SBNO2: variants seen among roughly 807,000 people sequenced by gnomAD.
SBNO2 encodes strawberry notch homolog 2.
SBNO2 carries 89 observed loss-of-function variants against 146.3 expected under a neutral mutation model. That is an observed-to-expected ratio of 0.61 (90% CI 0.51 to 0.73). The LOEUF is 0.73. Among genes scored for constraint, SBNO2 ranks in the 30% least tolerant of loss-of-function variants. The pLI, the probability that SBNO2 is intolerant of heterozygous loss-of-function variation, is 0.00. For synonymous variants in SBNO2, 1,147 were observed against 892.6 expected (o/e 1.29, Z -5.08); for missense variants, 2,092 against 2,003.7 (o/e 1.04, Z -0.84).
rs1000234615 is a variant in SBNO2, at chr19:1,152,655, C to G, written c.93+1529G>C. ...CTGCTACGAGAGGGGTACCCTGGCC[C>G]CAGCTCAGAGCCCCCTCTGGACGGT... On this transcript the variant is annotated intron_variant, in intron 2 of 31. Coordinates refer to ENST00000361757, the MANE Select transcript of SBNO2 (RefSeq NM_014963.3). Among the ~76,000 whole-genome samples the G allele has an allele frequency of 3.3e-5, 5 of 152,156 alleles. No homozygotes were observed. The East Asian group carries it at 9.6e-4, about 29-fold the overall frequency.
chr19:1,108,729 G>A, intron 31 of SBNO2, 25 bp from the exon 32 acceptor site: 2 of 1,576,474 alleles, frequency 1.3e-6, no homozygotes, highest in Non-Finnish European at 1.7e-6. Flanking sequence ...TCGGGGTCAG[G>A]GCCGGCGCTG....
At chr19:1,148,015 C>A (rs552877319) in intron 3 of SBNO2, among the ~76,000 whole-genome samples, 119 of 152,208 alleles carry the variant, frequency 7.8e-4, no homozygotes, top group African/African-American at 2.7e-3. Context: ...GGCTTCTCTG[C>A]CCTTCCCCAC....
rs376859092 is a variant in SBNO2 at position 1,109,228 on chromosome 19, G to A, written c.3349-17C>T. 10 of 1,569,494 alleles carry A rather than the reference G, an allele frequency of 6.4e-6. No homozygotes were observed. The highest frequency in any genetic ancestry group is 1.9e-5 in the Admixed American group (1 of 53,102). On this transcript the variant is annotated splice_polypyrimidine_tract_variant and intron_variant, in intron 29 of 31. Coordinates refer to ENST00000361757, the MANE Select transcript of SBNO2 (RefSeq NM_014963.3). The surrounding 1 kb of genome is among the most constrained non-coding windows in gnomAD (Gnocchi z 4.2). Reference sequence around the variant, plus strand: ...CGCGGTGACCTAGGGACACAGGGCCGCATGAGCCTGGGCGGGGTCAGGGCC... The same window carrying A: ...CGCGGTGACCTAGGGACACAGGGCCACATGAGCCTGGGCGGGGTCAGGGCC...
intron 5 of SBNO2, chr19:1,127,399 T>C (rs1348122039): frequency 1.7e-6 from 1 of 599,544 alleles, no homozygotes; most frequent in South Asian, 2.0e-5. Context: ...ACAGATGTCC[T>C]GGACGTCGCC....
In SBNO2 at chr19:1,112,663, G is replaced by A. The variant is rs1437459028; in HGVS notation, c.2380-126C>T. 6 of 1,441,804 alleles carry A rather than the reference G, an allele frequency of 4.2e-6. No homozygotes were observed. The highest frequency in any genetic ancestry group is 4.9e-5 in the Admixed American group (2 of 40,990). The allele number at this position is 1,441,804 out of a possible 1,614,324, so 89.3% of individuals were successfully genotyped here. On this transcript the variant is annotated intron_variant, in intron 20 of 31. Transcript: ENST00000361757. This position sits in a 1 kb window ranked among gnomAD's most constrained non-coding sequence, Gnocchi z 5.9. ...CGTCCCGGGGCAGCGAGAGGCCTGC[G>A]GGGCGCGGACACCACCCGCCACACG...
Position 1,170,205 on chromosome 19 carries a change from A to T in SBNO2, c.-127+3967T>A, listed in dbSNP as rs541208465. Among the ~76,000 whole-genome samples, 32 of 152,282 alleles carry T rather than the reference A, an allele frequency of 2.1e-4. No homozygotes were observed. In the East Asian group the frequency reaches 2.5e-3, roughly 12 times the overall value. On this transcript the variant is annotated intron_variant, in intron 1 of 31. Coordinates refer to ENST00000361757, the MANE Select transcript of SBNO2 (RefSeq NM_014963.3). ...GGGCGAGAGCTGATGGGGCCCACGCATCCGAAATCCCCGTCTTGGCCAGAA... is the reference window on the plus strand; with the variant it reads ...GGGCGAGAGCTGATGGGGCCCACGCTTCCGAAATCCCCGTCTTGGCCAGAA...
intron 5 of SBNO2, among the ~76,000 whole-genome samples, chr19:1,125,970 G>C (rs539148942): frequency 5.9e-5 from 9 of 152,282 alleles, no homozygotes; most frequent in African/African-American, 2.2e-4. Context: ...CTCCAGCCTG[G>C]GCGACAGAGT....
At chr19:1,141,502 C>T (rs1372823511) in intron 4 of SBNO2, among the ~76,000 whole-genome samples, 1 of 151,632 alleles carries the variant, frequency 6.6e-6, no homozygotes, top group Non-Finnish European at 1.5e-5. Context: ...AGCTTGAGCA[C>T]TGCGCCTGAC....
rs1331036151 is a variant in SBNO2 at position 1,108,433 on chromosome 19, G to T, written c.3888C>A (p.Ala1296=). 6.4e-6 allele frequency: 8 copies of T among 1,252,346 alleles called. No individual in the cohort carries two copies. The African/African-American group carries it at 1.3e-4, about 20-fold the overall frequency. 77.6% of individuals were successfully genotyped at this position (1,252,346 alleles called of 1,614,324 possible). Residue 1296 remains alanine, a synonymous_variant, in exon 32 of 32, where the codon GCC becomes GCA. Coordinates refer to ENST00000361757, the MANE Select transcript of SBNO2 (RefSeq NM_014963.3). ...GCGCGAGGGCCGCAGGGTCGGCCTG[G>T]GCGTCGGGGGTGCCCAGCGGCACGA... ...PGVVPLGTPD[A]QADPAALAHQ...
At chr19:1,145,638 C>T (rs1251635294) in intron 4 of SBNO2, among the ~76,000 whole-genome samples, 2 of 152,110 alleles carry the variant, frequency 1.3e-5, no homozygotes, top group East Asian at 1.9e-4. Context: ...TGCCATCAGT[C>T]GCACCCCGGG....
intron 1 of SBNO2, among the ~76,000 whole-genome samples, chr19:1,160,485 C>T (rs1232079169): frequency 1.3e-5 from 2 of 152,288 alleles, no homozygotes; most frequent in East Asian, 1.9e-4. Flanking sequence ...CGGGGGAGGA[C>T]GCACAGAGGG....
chr19:1,109,034 CCT>C lies in SBNO2; in HGVS notation c.3426-67_3426-66del. 2 of 1,497,628 alleles carry C rather than the reference CCT, an allele frequency of 1.3e-6. No individual in the cohort carries two copies. Among genetic ancestry groups the C allele is most frequent in the Non-Finnish European group, 8.9e-7 (1 of 1,124,858 alleles). 92.8% of individuals were successfully genotyped at this position (1,497,628 alleles called of 1,614,324 possible). A position where few individuals can be genotyped will look rare whatever the true frequency, so the allele number is the denominator to read the frequency against. On this transcript the variant is annotated intron_variant, in intron 30 of 31. Coordinates refer to ENST00000361757, the MANE Select transcript of SBNO2 (RefSeq NM_014963.3). This position sits in a 1 kb window ranked among gnomAD's most constrained non-coding sequence, Gnocchi z 4.2. Reference sequence around the variant, plus strand: ...AGGGGCCCGCAGGCTCCCCAGGTGCCCTGAGATCTCCCGCCTCCTCTCAGGGT... The same window carrying C: ...AGGGGCCCGCAGGCTCCCCAGGTGCCGAGATCTCCCGCCTCCTCTCAGGGT...
chr19:1,128,306 C>G (rs776022148), intron 4 of SBNO2: 3 of 392,014 alleles, frequency 7.7e-6, no homozygotes, highest in African/African-American at 4.3e-5. Context: ...GAGGCAGGGG[C>G]GGGGGCAGCC....
chr19:1,124,121 C>A, intron 5 of SBNO2, 99 bp from the exon 6 acceptor site: 1 of 1,097,042 alleles, frequency 9.1e-7, no homozygotes, highest in South Asian at 1.3e-5. Context: ...CCCACTGCCC[C>A]GTCCTCGCCT....
At chr19:1,124,336 C>T (rs1215822755) in intron 5 of SBNO2, among the ~76,000 whole-genome samples, 2 of 152,242 alleles carry the variant, frequency 1.3e-5, no homozygotes, top group South Asian at 2.1e-4. Context: ...TTCTGACAGA[C>T]AACACAGCTT....
At chr19:1,114,008 C>T (rs1238364780) in intron 18 of SBNO2, among the ~76,000 whole-genome samples, 1 of 152,238 alleles carries the variant, frequency 6.6e-6, no homozygotes, top group Non-Finnish European at 1.5e-5. Context: ...GGTATAACCC[C>T]TGACCTCCCC....
At chr19:1,117,292 C>A (rs2079844412) in intron 15 of SBNO2, 31 bp downstream of exon 15, 1 of 1,541,710 alleles carries the variant, frequency 6.5e-7, no homozygotes, top group Non-Finnish European at 8.8e-7. Flanking sequence ...GGCCCGGCCG[C>A]CCTCAGCCCT....
At chr19:1,115,044 CTCAGCCT>C (rs1402693828) in intron 17 of SBNO2, among the ~76,000 whole-genome samples, 15 of 152,096 alleles carry the variant, frequency 9.9e-5, no homozygotes, top group Non-Finnish European at 2.1e-4. Context: ...ATTCCCCTGC[CTCAGCCT>C]CCTGAGCAGC....
Position 1,123,996 on chromosome 19 carries a change from T to C in SBNO2, c.468A>G (p.Ala156=), listed in dbSNP as rs1375764478. ...GGGAGGGCAGAAAGTCCTCGAAGCC[T>C]GCAAACGGCCTGCTGAGCTGGAACA... ...DKLFQLSRPF[A]GFEDFLPSHS... is the part of the protein sequence containing the mutation. The change falls in exon 6 of 32, where the codon GCA becomes GCG. Residue 156 remains alanine, a synonymous_variant. Coordinates refer to ENST00000361757, the MANE Select transcript of SBNO2 (RefSeq NM_014963.3). 1.2e-6 allele frequency: 2 copies of C among 1,611,794 alleles called. No individual in the cohort carries two copies. The highest frequency in any genetic ancestry group is 1.7e-5 in the Admixed American group (1 of 59,824).
Sources: gnomAD v4.1 joint callset for allele counts (sites outside exome capture counted in the v4.1 genomes callset) on GRCh38, gnomAD v4.1.1 for gene constraint, Gnocchi (gnomAD v3.1) non-coding constraint, MANE v1.5 for transcripts, NCBI Gene and HGNC (gene_info 2026-07-23, HGNC 2026-07-21) for gene names.